The following GRIP2 variants were observed in gnomAD, a reference collection of about 807,000 sequenced individuals.
The protein encoded by GRIP2 is glutamate receptor-interacting protein 2.
Under a neutral mutation model 108.3 loss-of-function variants are expected in GRIP2, and 58 were observed. The observed-to-expected ratio is 0.54, with a 90% confidence interval of 0.43 to 0.67. GRIP2 has a LOEUF of 0.67. Ranked by LOEUF, GRIP2 falls within the 30% of genes least tolerant of loss-of-function variation. GRIP2 has a pLI of 0.00. For synonymous variants in GRIP2, 586 were observed against 598.2 expected, an observed-to-expected ratio of 0.98 and a Z score of 0.30; for missense variants, 1,278 against 1,430.6, an observed-to-expected ratio of 0.89 and a Z score of 1.72.
upstream of GRIP2, among the ~76,000 whole-genome samples, chr3:14,559,420 A>G (rs1411851368): frequency 7.0e-6 from 1 of 143,686 alleles, no homozygotes; most frequent in Admixed American, 7.2e-5. Flanking sequence ...GCCAAGGTGT[A>G]TGCTGAGAAA....
intron 7 of GRIP2, chr3:14,520,923 T>C (rs1332812787): frequency 4.4e-6 from 1 of 229,454 alleles, no homozygotes; most frequent in Non-Finnish European, 8.7e-6. Flanking sequence ...AAATTAAAAC[T>C]TTGGCCGCAC....
At chr3:14,545,702 C>T (rs1695047538), upstream of GRIP2, among the ~76,000 whole-genome samples, 1 of 152,200 alleles carries the variant, frequency 6.6e-6, no homozygotes. Context: ...CTAACAAGGT[C>T]TTTGTTGAGA....
At chr3:14,524,059 C>T in intron 4 of GRIP2, 1 of 493,286 alleles carries the variant, frequency 2.0e-6, no homozygotes, top group Non-Finnish European at 3.6e-6. Flanking sequence ...CCCTACACCA[C>T]CGTTACTTAG....
chr3:14,497,264 G>A (rs1693636948), intron 21 of GRIP2, among the ~76,000 whole-genome samples: 1 of 152,170 alleles, frequency 6.6e-6, no homozygotes. Flanking sequence ...ATCATGCCCA[G>A]CCCCAAAGTC....
At chr3:14,560,206 A>C (rs1695298607), upstream of GRIP2, among the ~76,000 whole-genome samples, 1 of 152,086 alleles carries the variant, frequency 6.6e-6, no homozygotes, top group Non-Finnish European at 1.5e-5. Flanking sequence ...GTGATCTCTG[A>C]TCGTAGCACT....
rs1351497545 is a variant in GRIP2 at position 14,496,484 on chromosome 3, C to T, written c.2756G>A (p.Arg919Gln). 2.7e-5 allele frequency: 43 copies of T among 1,611,860 alleles called. No homozygotes were observed. Among genetic ancestry groups the T allele is most frequent in the Middle Eastern group, 1.6e-4 (1 of 6,074 alleles). Residue 919 changes from arginine to glutamine, a missense_variant, in exon 22 of 24, where the codon CGG (arginine) becomes CAG (glutamine). By Grantham distance (43) the Arg-to-Gln change is conservative. Transcript: ENST00000621039. ...RPGHRPWQRG[R>Q]EVRASPAEME... is the part of the protein sequence containing the mutation. ...TTCTGCAGGAGAGGCTCGTACCTCC[C>T]GGCCCCTCTGCCAAGGCCGGTGGCC...
At chr3:14,585,301 G>A in the GRIP2 span, among the ~76,000 whole-genome samples, 6,051 of 152,326 alleles carry the variant, frequency 0.04, 191 homozygotes, top group East Asian at 0.14. Flanking sequence ...TATTACAGGC[G>A]TGAGCCACCA....
chr3:14,585,074 G>T, the GRIP2 span, among the ~76,000 whole-genome samples: 6 of 152,226 alleles, frequency 3.9e-5, no homozygotes, highest in Non-Finnish European at 8.8e-5. Flanking sequence ...GCTGAGGCTG[G>T]AGTGCAGTGG....
the GRIP2 span, among the ~76,000 whole-genome samples, chr3:14,593,616 G>C: frequency 5.9e-5 from 9 of 152,344 alleles, no homozygotes; most frequent in East Asian, 1.7e-3. Context: ...GGTTCACGAG[G>C]CGCAGGCCAT....
rs890145281 is a variant in GRIP2 at position 14,489,428 on chromosome 3, G to A, written c.*4237C>T. On this transcript the variant is annotated 3_prime_UTR_variant, in exon 24 of 24. Transcript: ENST00000621039. ...CTTTACATTTTATAAAGGGCTTCCC[G>A]TCCAATCCCAGGACGCTCCTCAAAG... The A allele has an allele frequency of 4.6e-5, 7 of 152,612 alleles. No individual in the cohort carries two copies. The highest frequency in any genetic ancestry group is 4.2e-4 in the South Asian group (2 of 4,816). The allele number at this position is 152,612 out of a possible 1,614,324, so 9.5% of individuals were successfully genotyped here. A position where few individuals can be genotyped will look rare whatever the true frequency, so the allele number is the denominator to read the frequency against.
the GRIP2 span, among the ~76,000 whole-genome samples, chr3:14,566,762 A>T: frequency 6.6e-6 from 1 of 152,168 alleles, no homozygotes; most frequent in African/African-American, 2.4e-5. Flanking sequence ...TTAACCCTGG[A>T]AAACTCCCCT....
At chr3:14,560,636 G>A (rs749487425), upstream of GRIP2, among the ~76,000 whole-genome samples, 5 of 152,162 alleles carry the variant, frequency 3.3e-5, no homozygotes, top group Admixed American at 6.5e-5. Flanking sequence ...GGCTGCTGGC[G>A]GCCACTGTGG....
At chr3:14,524,651 A>G (rs2124928251) in intron 3 of GRIP2, 113 bp from the exon 4 acceptor site, 3 of 1,226,552 alleles carry the variant, frequency 2.4e-6, no homozygotes, top group African/African-American at 3.0e-5. Context: ...TCATTTCACA[A>G]ATGGGGAAGC....
At chr3:14,498,084 CTA>C (rs754491059) in intron 21 of GRIP2, among the ~76,000 whole-genome samples, 9 of 152,202 alleles carry the variant, frequency 5.9e-5, no homozygotes, top group Non-Finnish European at 1.2e-4. Flanking sequence ...TGAATTCCCA[CTA>C]TTAGTGCATA....
intron 1 of GRIP2, among the ~76,000 whole-genome samples, chr3:14,555,014 T>C (rs1695212060): frequency 6.6e-6 from 1 of 152,012 alleles, no homozygotes; most frequent in Admixed American, 6.6e-5. Flanking sequence ...GTGCTGTAGA[T>C]GGAGACATGG....
rs770642884 is a variant in GRIP2, at chr3:14,505,632, A to G, written c.2556T>C (p.Asp852=). 7 of 1,607,960 alleles carry G rather than the reference A, an allele frequency of 4.4e-6. No individual in the cohort carries two copies. In the East Asian group the frequency reaches 9.0e-5, roughly 21 times the overall value. Residue 852 remains aspartate, a synonymous_variant, in exon 20 of 24, where the codon GAT becomes GAC. Transcript: ENST00000621039. This position sits in a 1 kb window ranked among gnomAD's most constrained non-coding sequence, Gnocchi z 4.2. ...CCACAGACCTCGTTGGCGGCTCCCA[A>G]TCATCCTCCTCCTCCTCCTCTGGAA... is the stretch of plus-strand genomic sequence containing the variant. ...ESFPEEEEED[D]WEPPTSPAPG... is the part of the protein sequence containing the mutation.
the GRIP2 span, among the ~76,000 whole-genome samples, chr3:14,584,954 T>C: frequency 6.6e-6 from 1 of 152,152 alleles, no homozygotes; most frequent in Non-Finnish European, 1.5e-5. Context: ...GCCACCTCTT[T>C]CCAGGATGCC....
rs1694403185 is a variant in GRIP2, at chr3:14,521,345, A to G, written c.712+297T>C. ...CTCCCCTGCCTCTTTTCTTTTTTCC[A>G]TAGCACTTATTGCCAACTGACATAC... On this transcript the variant is annotated intron_variant, in intron 7 of 23. Coordinates refer to ENST00000621039, the MANE Select transcript of GRIP2 (RefSeq NM_001080423.4). This position sits in a 1 kb window ranked among gnomAD's most constrained non-coding sequence, Gnocchi z 5.1. 3.1e-6 allele frequency: 1 copy of G among 322,316 alleles called. No homozygotes were observed. Among genetic ancestry groups the G allele is most frequent in the Non-Finnish European group, 5.6e-6 (1 of 178,152 alleles). 20.0% of individuals were successfully genotyped at this position (322,316 alleles called of 1,614,324 possible).
chr3:14,595,735 G>A, the GRIP2 span, among the ~76,000 whole-genome samples: 3 of 152,244 alleles, frequency 2.0e-5, no homozygotes, highest in Non-Finnish European at 2.9e-5. Flanking sequence ...TGGCTCCGCA[G>A]GTTGCCCCTT....
Sources: gnomAD v4.1 joint callset for allele counts (sites outside exome capture counted in the v4.1 genomes callset) on GRCh38, gnomAD v4.1.1 for gene constraint, Gnocchi (gnomAD v3.1) non-coding constraint, MANE v1.5 for transcripts, NCBI Gene and HGNC (gene_info 2026-07-23, HGNC 2026-07-21) for gene names.